The following ARID3B variants were observed in gnomAD, a reference collection of about 807,000 sequenced individuals.
ARID3B encodes the protein AT-rich interactive domain-containing protein 3B.
A neutral mutation model predicts 51.9 loss-of-function variants in ARID3B; 10 were observed. The ratio of observed to expected loss-of-function variants is 0.19; its 90% confidence interval spans 0.12 to 0.33. The LOEUF (loss-of-function observed/expected upper bound fraction) is 0.33, where lower values mean the gene tolerates loss of function less well. Ranked by LOEUF, ARID3B falls within the 10% of genes least tolerant of loss-of-function variation. The probability of loss-of-function intolerance (pLI) is 1.00; values close to 1 mark genes in which losing one functional copy is unlikely to be tolerated. For synonymous variants in ARID3B, 205 were observed against 279.5 expected, an observed-to-expected ratio of 0.73 and a Z score of 2.66; for missense variants, 483 against 716.3, an observed-to-expected ratio of 0.67 and a Z score of 3.72.
intron 2 of ARID3B, among the ~76,000 whole-genome samples, chr15:74,550,862 G>A (rs2061634599): frequency 6.6e-6 from 1 of 152,164 alleles, no homozygotes; most frequent in Non-Finnish European, 1.5e-5. Flanking sequence ...GTGATTTTAA[G>A]GATATTACAA....
intron 2 of ARID3B, among the ~76,000 whole-genome samples, chr15:74,570,241 A>G (rs2061714174): frequency 6.6e-6 from 1 of 152,140 alleles, no homozygotes; most frequent in Non-Finnish European, 1.5e-5. Flanking sequence ...CCATCCTGCC[A>G]AGGCATTCTC....
intron 2 of ARID3B, among the ~76,000 whole-genome samples, chr15:74,544,807 C>G (rs936907198): frequency 2.0e-5 from 3 of 151,630 alleles, no homozygotes; most frequent in African/African-American, 7.3e-5. Flanking sequence ...TCTCCTGCCT[C>G]AGTCTCCTGA....
At chr15:74,570,462 CAAAAAAAAAAAAAAA>C (rs71137395) in intron 2 of ARID3B, among the ~76,000 whole-genome samples, 5,138 of 64,848 alleles carry the variant, frequency 0.079, 236 homozygotes, top group South Asian at 0.29. Context: ...CTATAATTAG[CAAAAAAAAAAAAAAA>C]AAAAAAAAAA....
chr15:74,555,748 C>T (rs1196399326), intron 2 of ARID3B, among the ~76,000 whole-genome samples: 2 of 151,626 alleles, frequency 1.3e-5, no homozygotes, highest in African/African-American at 4.8e-5. Context: ...TAAGAGGAAT[C>T]CCTGTCTATG....
chr15:74,572,773 C>A (rs554654473), intron 2 of ARID3B, 89 bp from the exon 3 acceptor site: 2 of 1,268,692 alleles, frequency 1.6e-6, no homozygotes, highest in South Asian at 1.2e-5. Flanking sequence ...TAAGCATCTT[C>A]ATCTTTGCCC....
At chr15:74,587,442 G>A (rs1032409916) in intron 4 of ARID3B, among the ~76,000 whole-genome samples, 4 of 152,220 alleles carry the variant, frequency 2.6e-5, no homozygotes, top group Admixed American at 1.3e-4. Context: ...GGGTGGTAGT[G>A]TTGCTGGGAA....
chr15:74,585,699 T>G (rs903616228), intron 4 of ARID3B, among the ~76,000 whole-genome samples: 1 of 152,252 alleles, frequency 6.6e-6, no homozygotes, highest in African/African-American at 2.4e-5. Context: ...GTCTGTCGAT[T>G]GCCTATTGGT....
rs570831719 is a variant in ARID3B at position 74,568,552 on chromosome 15, C to T, written c.553-4310C>T. ...ATTAAGTGAGAAAATGCTTGTAAGG[C>T]TCCTGGTACAATCCTTAGTATGCAG... On this transcript the variant is annotated intron_variant, in intron 2 of 8. Transcript: ENST00000346246. Among the ~76,000 whole-genome samples the T allele has an allele frequency of 6.6e-5, 10 of 152,322 alleles. No individual in the cohort carries two copies. The South Asian group carries it at 1.7e-3, about 25-fold the overall frequency.
intron 2 of ARID3B, among the ~76,000 whole-genome samples, chr15:74,551,963 C>G (rs1005277298): frequency 2.6e-5 from 4 of 151,920 alleles, no homozygotes; most frequent in African/African-American, 4.8e-5. Context: ...GAATACAGAG[C>G]ACTCCCTCCT....
intron 2 of ARID3B, 152 bp from the exon 3 acceptor site, chr15:74,572,710 G>A (rs2061723372): frequency 1.4e-6 from 1 of 696,482 alleles, no homozygotes; most frequent in South Asian, 1.9e-5. Context: ...AAGGGTGGCA[G>A]AATTAGTCTT....
intron 2 of ARID3B, 76 bp downstream of exon 2, chr15:74,544,564 G>A: frequency 1.3e-6 from 2 of 1,485,098 alleles, no homozygotes; most frequent in Non-Finnish European, 1.8e-6. Context: ...CAGGGTCAGG[G>A]GCTGTGCCAG....
chr15:74,559,741 A>G (rs1640900975), intron 2 of ARID3B, among the ~76,000 whole-genome samples: 6 of 152,136 alleles, frequency 3.9e-5, no homozygotes, highest in Admixed American at 3.9e-4. Flanking sequence ...TCTGATTGTC[A>G]AGGTAATGCA....
intron 4 of ARID3B, among the ~76,000 whole-genome samples, chr15:74,589,058 CT>C (rs2141478516): frequency 1.4e-5 from 1 of 73,274 alleles, no homozygotes; most frequent in African/African-American, 7.9e-5. Context: ...TTAAGACAGT[CT>C]CACTGTCGCC....
Position 74,543,742 on chromosome 15 carries a change from C to CAT in ARID3B, c.-77-115_-77-114dup, listed in dbSNP as rs2061602991. On this transcript the variant is annotated intron_variant, in intron 1 of 8. Transcript: ENST00000346246. ...TCATCTTAAAACTCAGGTTTAGGAG[C>CAT]ATATGTTTAGCGTTCGGAACTCATG... The CAT allele has an allele frequency of 1.3e-5, 8 of 639,180 alleles. No individual in the cohort carries two copies. In the South Asian group the frequency reaches 1.8e-4, roughly 14 times the overall value. The allele number at this position is 639,180 out of a possible 1,614,324, so 39.6% of individuals were successfully genotyped here.
chr15:74,567,659 G>A (rs949958441), intron 2 of ARID3B, among the ~76,000 whole-genome samples: 1 of 152,154 alleles, frequency 6.6e-6, no homozygotes, highest in Non-Finnish European at 1.5e-5. Context: ...CACCTCCTGG[G>A]AAGCTCACTC....
intron 4 of ARID3B, among the ~76,000 whole-genome samples, chr15:74,580,217 C>A (rs2061756327): frequency 6.6e-6 from 1 of 152,130 alleles, no homozygotes; most frequent in Admixed American, 6.6e-5. Context: ...GTTTCTTTGG[C>A]AAACATAAAG....
At chr15:74,589,758 G>T in intron 4 of ARID3B, 62 bp from the exon 5 acceptor site, 1 of 1,512,916 alleles carries the variant, frequency 6.6e-7, no homozygotes. Context: ...GGCATACACG[G>T]AATCTTTCTT....
intron 2 of ARID3B, among the ~76,000 whole-genome samples, chr15:74,563,438 A>G (rs966943620): frequency 2.6e-5 from 4 of 152,170 alleles, no homozygotes; most frequent in African/African-American, 7.2e-5. Flanking sequence ...GTAACTTATG[A>G]TAGTAATTTT....
In ARID3B at chr15:74,594,380, A is replaced by G. The variant is rs536564417; in HGVS notation, c.1519+1144A>G. 1.1e-3 allele frequency among the ~76,000 whole-genome samples: 163 copies of G among 152,272 alleles called. 1 individual carries two copies. The highest frequency in any genetic ancestry group is 1.7e-3 in the Non-Finnish European group (116 of 68,002). On this transcript the variant is annotated intron_variant, in intron 8 of 8. Coordinates refer to ENST00000346246, the MANE Select transcript of ARID3B (RefSeq NM_006465.4). ...GGAGAATGGCGTGAACCTGGGAGGC[A>G]GAGCTTGCAGTGAGCTGAGATCGCG...
Sources: gnomAD v4.1 joint callset for allele counts (sites outside exome capture counted in the v4.1 genomes callset) on GRCh38, gnomAD v4.1.1 for gene constraint, MANE v1.5 for transcripts, NCBI Gene and HGNC (gene_info 2026-07-23, HGNC 2026-07-21) for gene names.